DYSF: variants seen among roughly 807,000 people sequenced by gnomAD.
The protein encoded by DYSF is dystrophy-associated fer-1-like 1.
A neutral mutation model predicts 274.9 loss-of-function variants in DYSF; 212 were observed. That is an observed-to-expected ratio of 0.77 (90% CI 0.69 to 0.86). The LOEUF (loss-of-function observed/expected upper bound fraction) is 0.86. Ranked by LOEUF, DYSF falls within the 40% of genes least tolerant of loss-of-function variation. The pLI is 0.00. For missense variants in DYSF, 2,666 were observed against 2,783.2 expected (o/e 0.96, Z 0.95); for synonymous variants, 1,091 against 1,078.7 (o/e 1.01, Z -0.22).
chr2:71,543,050 C>G (rs533397702), intron 17 of DYSF, among the ~76,000 whole-genome samples: 1 of 151,842 alleles, frequency 6.6e-6, no homozygotes, highest in African/African-American at 2.4e-5. Context: ...CGGGGGCTGC[C>G]CCCCACCTCC....
chr2:71,571,657 A>C (rs1574075864), intron 29 of DYSF, among the ~76,000 whole-genome samples: 5 of 124,408 alleles, frequency 4.0e-5, no homozygotes, highest in Non-Finnish European at 1.6e-5. Context: ...TCACACACAG[A>C]TCACACCCAG....
intron 42 of DYSF, among the ~76,000 whole-genome samples, chr2:71,647,983 G>C (rs1326379129): frequency 1.3e-5 from 2 of 152,202 alleles, no homozygotes; most frequent in African/African-American, 4.8e-5. Flanking sequence ...CAGAGGTGGA[G>C]CTACACAAGA....
chr2:71,556,151 C>A, intron 22 of DYSF, 80 bp downstream of exon 22: 2 of 1,198,768 alleles, frequency 1.7e-6, no homozygotes, highest in Non-Finnish European at 2.4e-6. Context: ...TCGTGTGTGG[C>A]AGTGAGCAGT....
chr2:71,507,231 C>T (rs1302027645), intron 4 of DYSF, among the ~76,000 whole-genome samples: 1 of 152,096 alleles, frequency 6.6e-6, no homozygotes, highest in East Asian at 1.9e-4. Context: ...GCAGGGTGAG[C>T]CCCTAGAAAC....
intron 11 of DYSF, 55 bp downstream of exon 11, chr2:71,520,263 G>C: frequency 6.3e-7 from 1 of 1,593,476 alleles, no homozygotes. Flanking sequence ...GAGGCTGATT[G>C]GGGACACTCA....
At chr2:71,469,931 G>A (rs2081852957) in intron 1 of DYSF, among the ~76,000 whole-genome samples, 2 of 152,122 alleles carry the variant, frequency 1.3e-5, no homozygotes, top group Admixed American at 1.3e-4. Context: ...TATTCATGCA[G>A]TTAGTTCATT....
At chr2:71,607,637 C>T (rs1443458938) in intron 36 of DYSF, among the ~76,000 whole-genome samples, 1 of 152,084 alleles carries the variant, frequency 6.6e-6, no homozygotes, top group Admixed American at 6.5e-5. Flanking sequence ...TTGCACTGAG[C>T]AAAGGAGATG....
Position 71,686,735 on chromosome 2 carries a change from T to A in DYSF, c.*243T>A, listed in dbSNP as rs1458332720. ...ACGCTTTTTTGGATCAGCTCAGACA[T>A]ATTTCAGTATAAAACAGTTGGAACC... On this transcript the variant is annotated 3_prime_UTR_variant, in exon 56 of 56. Transcript: ENST00000410020. The A allele has an allele frequency of 5.2e-6, 3 of 575,464 alleles. No individual in the cohort carries two copies. The highest frequency in any genetic ancestry group is 9.4e-6 in the Non-Finnish European group (3 of 318,086). The allele number at this position is 575,464 out of a possible 1,614,324, so 35.6% of individuals were successfully genotyped here. A position where few individuals can be genotyped will look rare whatever the true frequency, so the allele number is the denominator to read the frequency against.
intron 42 of DYSF, among the ~76,000 whole-genome samples, chr2:71,645,410 G>A (rs1404387125): frequency 6.6e-6 from 1 of 152,036 alleles, no homozygotes; most frequent in Non-Finnish European, 1.5e-5. Flanking sequence ...TCAATGGCCT[G>A]CTGGCCTGCT....
At chr2:71,510,598 C>T (rs1384770094) in intron 4 of DYSF, among the ~76,000 whole-genome samples, 1 of 152,210 alleles carries the variant, frequency 6.6e-6, no homozygotes, top group African/African-American at 2.4e-5. Flanking sequence ...AGGCCCCAGT[C>T]TGGAGAGTTC....
intron 55 of DYSF, among the ~76,000 whole-genome samples, chr2:71,685,409 C>T (rs770294542): frequency 2.0e-5 from 3 of 152,210 alleles, no homozygotes; most frequent in African/African-American, 7.2e-5. Flanking sequence ...GCTTTGCTCA[C>T]AGGTCTTTGC....
chr2:71,654,683 A>G (rs1260336970), intron 42 of DYSF, among the ~76,000 whole-genome samples: 1 of 152,218 alleles, frequency 6.6e-6, no homozygotes, highest in Non-Finnish European at 1.5e-5. Context: ...CTTGTGATAC[A>G]TTTATAAAAT....
At chr2:71,651,035 T>A (rs373472184) in intron 42 of DYSF, among the ~76,000 whole-genome samples, 3 of 152,120 alleles carry the variant, frequency 2.0e-5, no homozygotes, top group African/African-American at 7.2e-5. Context: ...AATGAGGCAA[T>A]GCCAAGACAT....
intron 42 of DYSF, 78 bp downstream of exon 42, chr2:71,644,141 A>T (rs541282224): frequency 9.5e-6 from 11 of 1,154,748 alleles, no homozygotes; most frequent in Non-Finnish European, 1.4e-5. Flanking sequence ...AAGAGAGCTC[A>T]TGCAGTAGAT....
chr2:71,534,809 C>T (rs1306954122), intron 14 of DYSF, among the ~76,000 whole-genome samples: 1 of 152,184 alleles, frequency 6.6e-6, no homozygotes. Flanking sequence ...TACCCACTCC[C>T]CAGCTCTGGG....
rs1272696864 is a variant in DYSF at position 71,553,894 on chromosome 2, A to C, written c.2072A>C (p.Glu691Ala). ...TGGGAGGACATCAGCCATAGAATCG[A>C]GACTCAGAACCAGCTGCTTGGGATT... is the stretch of plus-strand genomic sequence containing the variant. ...SYWEDISHRIETQNQLLGIAD... is the reference protein window; with the variant it reads ...SYWEDISHRIATQNQLLGIAD... Residue 691 changes from glutamate (E) to alanine (A), a missense_variant, in exon 21 of 56, where the codon GAG (glutamate) becomes GCG (alanine). Physicochemically the swap from Glu to Ala is moderately radical, Grantham distance 107. Around this residue, in one of 3 missense-constraint regions of DYSF, gnomAD observed 412 missense variants for 504.0 expected, o/e 0.82. Transcript: ENST00000410020. 1 of 1,614,172 alleles carries C rather than the reference A, an allele frequency of 6.2e-7. No individual in the cohort carries two copies. Among genetic ancestry groups the C allele is most frequent in the East Asian group, 2.2e-5 (1 of 44,878 alleles).
At chr2:71,530,969 C>G (rs2088632071) in intron 14 of DYSF, among the ~76,000 whole-genome samples, 1 of 151,970 alleles carries the variant, frequency 6.6e-6, no homozygotes, top group African/African-American at 2.4e-5. Context: ...TGGCCAAGTT[C>G]CTAAGAAGAT....
At chr2:71,573,226 C>G (rs946091867) in intron 29 of DYSF, among the ~76,000 whole-genome samples, 1 of 152,208 alleles carries the variant, frequency 6.6e-6, no homozygotes, top group African/African-American at 2.4e-5. Context: ...TTTTGGACAA[C>G]CAGCTGTTCC....
At chr2:71,539,082 C>A in intron 16 of DYSF, 75 bp from the exon 17 acceptor site, 1 of 1,347,210 alleles carries the variant, frequency 7.4e-7, no homozygotes, top group Non-Finnish European at 1.1e-6. Flanking sequence ...GTAACCGAGG[C>A]CGCATACTTC....
Sources: allele counts gnomAD v4.1 joint callset (sites outside exome capture counted in the v4.1 genomes callset), GRCh38; gene constraint gnomAD v4.1.1; regional missense constraint gnomAD v4.1.1; transcripts MANE v1.5; gene names NCBI Gene and HGNC (gene_info 2026-07-23, HGNC 2026-07-21).